Variants in TRIM33 observed in about 807,000 individuals in gnomAD.
TRIM33 encodes tripartite motif containing 33, also known as E3 ubiquitin-protein ligase TRIM33.
In TRIM33, 20 loss-of-function variants were observed where a neutral mutation model predicts 125.4. The observed-to-expected ratio is 0.16, with a 90% CI of 0.11 to 0.23. TRIM33 has a LOEUF of 0.23. TRIM33 is among the 10% of genes least tolerant of loss of function. The pLI is 1.00. For missense variants in TRIM33, 920 were observed against 1,411.4 expected (o/e 0.65, Z 5.58); for synonymous variants, 564 against 513.9 (o/e 1.10, Z -1.32).
chr1:114,492,776 T>A (rs941904010), intron 1 of TRIM33, among the ~76,000 whole-genome samples: 1 of 152,226 alleles, frequency 6.6e-6, no homozygotes, highest in African/African-American at 2.4e-5. Flanking sequence ...CCAAATAATA[T>A]CCCATTACAT....
chr1:114,402,927 G>A (rs747884614), intron 15 of TRIM33, 44 bp from the exon 16 acceptor site: 55 of 1,560,830 alleles, frequency 3.5e-5, no homozygotes, highest in Non-Finnish European at 4.7e-5. Flanking sequence ...TTATAAGAAA[G>A]CCTGCTCTAG....
intron 4 of TRIM33, among the ~76,000 whole-genome samples, chr1:114,448,446 G>C (rs1443354055): frequency 6.6e-6 from 1 of 152,146 alleles, no homozygotes; most frequent in African/African-American, 2.4e-5. Context: ...CAACATTAAC[G>C]GTCTACTTGA....
chr1:114,437,842 T>A (rs1291688140), intron 4 of TRIM33, among the ~76,000 whole-genome samples: 3 of 152,238 alleles, frequency 2.0e-5, no homozygotes, highest in East Asian at 1.9e-4. Context: ...TTAGCTTTTT[T>A]AAATTATTGA....
chr1:114,435,884 T>C (rs1446616880), intron 4 of TRIM33, among the ~76,000 whole-genome samples: 3 of 127,878 alleles, frequency 2.3e-5, no homozygotes, highest in Non-Finnish European at 3.3e-5. Flanking sequence ...CCGCTTTTTT[T>C]TTTTTTTTTT....
chr1:114,402,945 A>G (rs1274317957), intron 15 of TRIM33, 62 bp from the exon 16 acceptor site: 1 of 1,439,700 alleles, frequency 6.9e-7, no homozygotes, highest in East Asian at 2.4e-5. Context: ...TAGAGAAGCT[A>G]CTTCCCTGGA....
rs1390510415 is a variant in TRIM33, at chr1:114,399,542, T to A, written c.3035A>T (p.Lys1012Ile). The A allele has an allele frequency of 6.2e-7, 1 of 1,612,686 alleles. No individual in the cohort carries two copies. Among genetic ancestry groups the A allele is most frequent in the Admixed American group, 1.7e-5 (1 of 59,998 alleles). ...DLSTVKKKLQ[K>I]KHSQHYQIPD... ...GATTTGGTAGTGTTGGGAATGTTTTTTCTGAAGCTTCTTTTTCACGGTGGA... is the reference window on the plus strand; with the variant it reads ...GATTTGGTAGTGTTGGGAATGTTTTATCTGAAGCTTCTTTTTCACGGTGGA... Residue 1012 changes from lysine to isoleucine, a missense_variant, in exon 18 of 20, where the codon AAA becomes ATA. Around this residue, in one of 8 missense-constraint regions of TRIM33, gnomAD observed 122 missense variants for 236.8 expected, o/e 0.52. Coordinates refer to ENST00000358465, the MANE Select transcript of TRIM33 (RefSeq NM_015906.4).
chr1:114,449,719 C>G (rs1289508400), intron 4 of TRIM33, among the ~76,000 whole-genome samples: 1 of 152,160 alleles, frequency 6.6e-6, no homozygotes, highest in Non-Finnish European at 1.5e-5. Context: ...AAAATATATT[C>G]TCTCCAAATT....
chr1:114,410,451 T>A (rs547325575), intron 11 of TRIM33, 135 bp from the exon 12 acceptor site: 2 of 893,250 alleles, frequency 2.2e-6, no homozygotes, highest in Non-Finnish European at 3.3e-6. Flanking sequence ...TATTATTGCT[T>A]CCTTAGGGTC....
At chr1:114,492,560 C>T (rs1183790091) in intron 1 of TRIM33, among the ~76,000 whole-genome samples, 1 of 152,138 alleles carries the variant, frequency 6.6e-6, no homozygotes, top group Non-Finnish European at 1.5e-5. Context: ...CACTCCCATC[C>T]TAAACAACTC....
At chr1:114,413,754 A>C (rs575294314) in intron 11 of TRIM33, among the ~76,000 whole-genome samples, 1 of 151,954 alleles carries the variant, frequency 6.6e-6, no homozygotes, top group Non-Finnish European at 1.5e-5. Context: ...AGGTTGGCTC[A>C]TATCTGTAAT....
At chr1:114,431,471 G>C (rs1034423357) in intron 5 of TRIM33, among the ~76,000 whole-genome samples, 3 of 152,150 alleles carry the variant, frequency 2.0e-5, no homozygotes, top group African/African-American at 7.2e-5. Flanking sequence ...CCATTTTTAA[G>C]AATAGCTTTA....
At chr1:114,439,468 CAAAAAAAAAA>C (rs59231995) in intron 4 of TRIM33, among the ~76,000 whole-genome samples, 33 of 45,974 alleles carry the variant, frequency 7.2e-4, no homozygotes, top group Admixed American at 5.2e-3. Context: ...GACTCTGTAT[CAAAAAAAAAA>C]AAAAAAAAAA....
chr1:114,487,027 C>G (rs923904510), intron 1 of TRIM33, among the ~76,000 whole-genome samples: 1 of 149,564 alleles, frequency 6.7e-6, no homozygotes, highest in Non-Finnish European at 1.5e-5. Context: ...ATGGAGACTG[C>G]AGTGAGCCAA....
intron 5 of TRIM33, among the ~76,000 whole-genome samples, chr1:114,431,748 A>G (rs557147662): frequency 5.9e-5 from 9 of 152,354 alleles, no homozygotes; most frequent in South Asian, 2.1e-4. Context: ...CACTCCAAGA[A>G]ATAATGTAGT....
Position 114,402,787 on chromosome 1 carries a change from C to A in TRIM33, c.2865G>T (p.Ala955=), listed in dbSNP as rs776166965. 5.6e-6 allele frequency: 9 copies of A among 1,613,896 alleles called. No individual in the cohort carries two copies. The highest frequency in any genetic ancestry group is 6.8e-6 in the Non-Finnish European group (8 of 1,179,984). ...TTTGGTCCACGGGGCTTAACCCCTGCGCAGTTTTCCCCTTCTTACTATGTT... is the reference window on the plus strand; with the variant it reads ...TTTGGTCCACGGGGCTTAACCCCTGAGCAGTTTTCCCCTTCTTACTATGTT... ...NLQHSKKGKT[A]QGLSPVDQRK... The change falls in exon 16 of 20, where the codon GCG becomes GCT. Residue 955 remains alanine, a synonymous_variant. Coordinates refer to ENST00000358465, the MANE Select transcript of TRIM33 (RefSeq NM_015906.4).
intron 16 of TRIM33, 31 bp from the exon 17 acceptor site, chr1:114,401,494 A>G: frequency 6.3e-7 from 1 of 1,583,234 alleles, no homozygotes. Flanking sequence ...AAAGCACATG[A>G]AATATTTTTC....
chr1:114,452,019 T>C (rs541340695), intron 4 of TRIM33, among the ~76,000 whole-genome samples: 6 of 151,598 alleles, frequency 4.0e-5, no homozygotes, highest in Admixed American at 2.0e-4. Context: ...TACAGCAAAA[T>C]CAAACTAAGC....
At chr1:114,421,799 T>C (rs2101145125) in intron 10 of TRIM33, among the ~76,000 whole-genome samples, 163 bp from the exon 11 acceptor site, 1 of 152,300 alleles carries the variant, frequency 6.6e-6, no homozygotes, top group East Asian at 1.9e-4. Context: ...CCTTTTCATT[T>C]TTCTATTCAT....
At chr1:114,439,602 A>G (rs1333182256) in intron 4 of TRIM33, among the ~76,000 whole-genome samples, 1 of 151,822 alleles carries the variant, frequency 6.6e-6, no homozygotes. Flanking sequence ...TGGCATCCCC[A>G]AAGGAGAAAA....
Sources: allele counts gnomAD v4.1 joint callset (sites outside exome capture counted in the v4.1 genomes callset), GRCh38; gene constraint gnomAD v4.1.1; regional missense constraint gnomAD v4.1.1; transcripts MANE v1.5; gene names NCBI Gene and HGNC (gene_info 2026-07-23, HGNC 2026-07-21).